GAB3: variants seen among roughly 807,000 people sequenced by gnomAD.
GAB3 encodes GRB2-associated-binding protein 3.
Under a neutral mutation model 40.4 loss-of-function variants are expected in GAB3, and 12 were observed. That is an observed-to-expected ratio of 0.30 (90% CI 0.19 to 0.48). The LOEUF is 0.48. GAB3 is among the 20% of genes least tolerant of loss of function. GAB3 has a pLI of 0.99. For synonymous variants in GAB3, 154 were observed against 176.7 expected, an observed-to-expected ratio of 0.87 and a Z score of 1.02; for missense variants, 381 against 461.9, an observed-to-expected ratio of 0.82 and a Z score of 1.61.
chrX:154,747,790 T>G (rs2071551005), intron 1 of GAB3, among the ~76,000 whole-genome samples: 1 of 112,604 alleles, frequency 8.9e-6, no homozygotes, highest in Non-Finnish European at 1.9e-5. Flanking sequence ...GATTTAACAT[T>G]AAATCCATGA....
intron 8 of GAB3, among the ~76,000 whole-genome samples, chrX:154,690,631 A>G (rs190663392): frequency 2.7e-5 from 3 of 112,600 alleles, no homozygotes; most frequent in Non-Finnish European, 5.6e-5. Context: ...ACTTCGCAAA[A>G]GAAGATATTT....
intron 4 of GAB3, among the ~76,000 whole-genome samples, chrX:154,702,567 A>G (rs1267966385): frequency 8.9e-6 from 1 of 112,397 alleles, no homozygotes; most frequent in Non-Finnish European, 1.9e-5. Flanking sequence ...GACAAATGGG[A>G]TCACATGAAC....
intron 4 of GAB3, among the ~76,000 whole-genome samples, chrX:154,710,326 G>C (rs2070917503): frequency 9.0e-6 from 1 of 111,544 alleles, no homozygotes; most frequent in Non-Finnish European, 1.9e-5. Context: ...CTGACCAGCT[G>C]ACTGTAAAAT....
rs1243434984 is a variant in GAB3, at chrX:154,675,993, T to C, written c.*2185A>G. 1 of 112,032 alleles carries C rather than the reference T, an allele frequency of 8.9e-6. No individual in the cohort carries two copies. The highest frequency in any genetic ancestry group is 1.9e-5 in the Non-Finnish European group (1 of 53,192). 9.2% of individuals were successfully genotyped at this position (112,032 alleles called of 1,213,427 possible). A position where few individuals can be genotyped will look rare whatever the true frequency, so the allele number is the denominator to read the frequency against. ...GTGAGTCACCTTTTTCAAAATTAAATTTTTAAAATTCTGACCCCTATCGCC... is the reference window on the plus strand; with the variant it reads ...GTGAGTCACCTTTTTCAAAATTAAACTTTTAAAATTCTGACCCCTATCGCC... On this transcript the variant is annotated 3_prime_UTR_variant, in exon 10 of 10. Coordinates refer to ENST00000424127, the MANE Select transcript of GAB3 (RefSeq NM_001081573.3).
intron 4 of GAB3, among the ~76,000 whole-genome samples, chrX:154,711,634 G>A (rs1161679710): frequency 8.9e-6 from 1 of 112,268 alleles, no homozygotes; most frequent in Non-Finnish European, 1.9e-5. Context: ...CAAGTCTAGT[G>A]GGATGATGAA....
rs2071446472 is a variant in GAB3 at position 154,741,788 on chromosome X, A to G, written c.72+9166T>C. Among the ~76,000 whole-genome samples, 4 of 111,545 alleles carry G rather than the reference A, an allele frequency of 3.6e-5. No homozygotes were observed. In the South Asian group the frequency reaches 1.5e-3, roughly 42 times the overall value. ...AATCATGGCAGAAGGCAAAGGAGAA[A>G]CAGGTACCCTCTTCACAGGGCAGCA... is the stretch of plus-strand genomic sequence containing the variant. On this transcript the variant is annotated intron_variant, in intron 1 of 9. Coordinates refer to ENST00000424127, the MANE Select transcript of GAB3 (RefSeq NM_001081573.3).
intron 8 of GAB3, 21 bp downstream of exon 8, chrX:154,695,896 G>A (rs1037426080): frequency 2.1e-6 from 2 of 972,239 alleles, no homozygotes; most frequent in African/African-American, 3.7e-5. Flanking sequence ...GATAAGAAGA[G>A]TGTGAAAAAT....
At chrX:154,700,207 G>A in intron 4 of GAB3, 148 bp from the exon 5 acceptor site, 1 of 444,250 alleles carries the variant, frequency 2.3e-6, no homozygotes. Context: ...TGAAAAATCA[G>A]ACCAGATTTT....
At chrX:154,679,303 C>T (rs2070341618) in intron 9 of GAB3, 1 of 331,026 alleles carries the variant, frequency 3.0e-6, no homozygotes, top group South Asian at 2.8e-5. Context: ...TGCCTCGGCC[C>T]TGGACTGGAG....
At chrX:154,745,988 G>T (rs2071521494) in intron 1 of GAB3, among the ~76,000 whole-genome samples, 1 of 105,941 alleles carries the variant, frequency 9.4e-6, no homozygotes, top group Admixed American at 1.0e-4. Context: ...GGAGGTGGAG[G>T]TTGCAGCGAG....
chrX:154,702,613 C>A (rs2070754144), intron 4 of GAB3, among the ~76,000 whole-genome samples: 1 of 112,148 alleles, frequency 8.9e-6, no homozygotes, highest in South Asian at 3.6e-4. Flanking sequence ...ATACAATCAA[C>A]AGAGTGAAGA....
chrX:154,699,853 T>C, intron 5 of GAB3, 151 bp downstream of exon 5: 2 of 511,968 alleles, frequency 3.9e-6, no homozygotes, highest in Non-Finnish European at 6.7e-6. Flanking sequence ...CCAAGTCCTG[T>C]AGTTCCCAAG....
chrX:154,695,840 G>A, intron 8 of GAB3, 77 bp downstream of exon 8: 1 of 568,274 alleles, frequency 1.8e-6, no homozygotes, highest in Non-Finnish European at 2.9e-6. Context: ...ACTGAAGGAT[G>A]TGTTTCCTTT....
intron 4 of GAB3, among the ~76,000 whole-genome samples, chrX:154,708,027 C>T (rs1315820517): frequency 2.7e-5 from 3 of 111,780 alleles, no homozygotes; most frequent in Non-Finnish European, 5.7e-5. Context: ...AAAACAGATA[C>T]ATAAACCAAA....
intron 1 of GAB3, among the ~76,000 whole-genome samples, chrX:154,722,498 G>T (rs782296163): frequency 9.9e-4 from 111 of 111,899 alleles, no homozygotes; most frequent in Admixed American, 2.1e-3. Flanking sequence ...ATGTGAGATT[G>T]TATGTTAATT....
chrX:154,727,248 G>A (rs185360698), intron 1 of GAB3, among the ~76,000 whole-genome samples: 16 of 112,225 alleles, frequency 1.4e-4, no homozygotes, highest in African/African-American at 4.9e-4. Context: ...TCTCCATCTT[G>A]GGGGCTTTGC....
At chrX:154,708,984 T>G (rs2070863366) in intron 4 of GAB3, among the ~76,000 whole-genome samples, 1 of 111,778 alleles carries the variant, frequency 8.9e-6, no homozygotes, top group Non-Finnish European at 1.9e-5. Context: ...ACAAATCTCA[T>G]GTTGAATTGT....
At chrX:154,717,598 T>G (rs1196181973) in intron 1 of GAB3, among the ~76,000 whole-genome samples, 3 of 112,043 alleles carry the variant, frequency 2.7e-5, no homozygotes, top group Non-Finnish European at 5.6e-5. Flanking sequence ...TCTCTTTTTG[T>G]GCCCTGAGAA....
chrX:154,710,541 G>A (rs1219002118), intron 4 of GAB3, among the ~76,000 whole-genome samples: 5 of 111,809 alleles, frequency 4.5e-5, no homozygotes, highest in Non-Finnish European at 7.5e-5. Context: ...GGAGAGCCAT[G>A]GGGACAGGAC....
Sources: gnomAD v4.1 joint callset for allele counts (sites outside exome capture counted in the v4.1 genomes callset) on GRCh38, gnomAD v4.1.1 for gene constraint, MANE v1.5 for transcripts, NCBI Gene and HGNC (gene_info 2026-07-23, HGNC 2026-07-21) for gene names.